CSMD3: variants seen among roughly 807,000 people sequenced by gnomAD.
CSMD3 encodes the protein CUB and sushi domain-containing protein 3.
Under a neutral mutation model 435.2 loss-of-function variants are expected in CSMD3, and 177 were observed. The observed-to-expected ratio is 0.41, with a 90% CI of 0.36 to 0.46. The LOEUF (loss-of-function observed/expected upper bound fraction) is 0.46, where lower values mean the gene tolerates loss of function less well. Among genes scored for constraint, CSMD3 ranks in the 20% least tolerant of loss-of-function variants. CSMD3 has a pLI of 0.34. For missense variants in CSMD3, 4,265 were observed against 4,504.6 expected (o/e 0.95, Z 1.52); for synonymous variants, 1,656 against 1,520.5 (o/e 1.09, Z -2.07).
At chr8:113,112,437 ATATATATAT>A in intron 4 of CSMD3, among the ~76,000 whole-genome samples, 1 of 41,438 alleles carries the variant, frequency 2.4e-5, no homozygotes, top group African/African-American at 1.4e-4. Flanking sequence ...ATATATATAT[ATATATATAT>A]ATGTATATAC....
chr8:112,921,732 A>G lies in CSMD3; in HGVS notation c.1528T>C (p.Phe510Leu). 2 of 1,609,794 alleles carry G rather than the reference A, an allele frequency of 1.2e-6. No individual in the cohort carries two copies. The highest frequency in any genetic ancestry group is 1.7e-6 in the Non-Finnish European group (2 of 1,176,316). Residue 510 changes from phenylalanine to leucine, a missense_variant, in exon 10 of 71, where the codon TTC (phenylalanine) becomes CTC (leucine). Around this residue, in one of 3 missense-constraint regions of CSMD3, gnomAD observed 731 missense variants for 755.4 expected, o/e 0.97. Coordinates refer to ENST00000297405, the MANE Select transcript of CSMD3 (RefSeq NM_198123.2). ...SDFSLGSTVQ[F>L]SCDEDYVLQG... ...AGGACATAATCTTCATCACAAGAGA[A>G]CTGCACAGTTGATCCAAGGCTAAAG...
At chr8:112,714,349 AG>A (rs1554660734) in intron 13 of CSMD3, among the ~76,000 whole-genome samples, 2 of 152,222 alleles carry the variant, frequency 1.3e-5, no homozygotes, top group Non-Finnish European at 2.9e-5. Context: ...ATAATGGTAA[AG>A]GGATCAATTC....
intron 5 of CSMD3, among the ~76,000 whole-genome samples, chr8:113,033,107 A>C (rs1427107840): frequency 6.6e-6 from 1 of 151,534 alleles, no homozygotes; most frequent in Non-Finnish European, 1.5e-5. Context: ...AAGAGCTCTC[A>C]TGAAGAACCT....
chr8:113,231,030 C>G (rs2093080393), intron 3 of CSMD3, among the ~76,000 whole-genome samples: 1 of 150,974 alleles, frequency 6.6e-6, no homozygotes, highest in Admixed American at 6.6e-5. Flanking sequence ...CTTTTGAATA[C>G]CCACATATAC....
intron 1 of CSMD3, among the ~76,000 whole-genome samples, chr8:113,384,334 A>G (rs1392383244): frequency 6.6e-6 from 1 of 152,340 alleles, no homozygotes; most frequent in Non-Finnish European, 1.5e-5. Context: ...TCTAAGAGAA[A>G]GCACTATTCA....
intron 38 of CSMD3, among the ~76,000 whole-genome samples, chr8:112,371,187 G>A (rs73700677): frequency 0.033 from 4,961 of 152,138 alleles, 271 homozygotes; most frequent in African/African-American, 0.11. Context: ...CACGCTGCTG[G>A]GCAGAGAAAT....
chr8:112,386,541 A>AGGCC (rs1829968793), intron 36 of CSMD3, among the ~76,000 whole-genome samples: 1 of 152,026 alleles, frequency 6.6e-6, no homozygotes, highest in Non-Finnish European at 1.5e-5. Context: ...TCTGTCGCCC[A>AGGCC]GGATGGAGTG....
intron 10 of CSMD3, among the ~76,000 whole-genome samples, chr8:112,904,926 C>A (rs2082215227): frequency 6.6e-6 from 1 of 151,404 alleles, no homozygotes; most frequent in Admixed American, 6.6e-5. Context: ...CAAGTTGAGT[C>A]TGGATGCCTG....
intron 22 of CSMD3, among the ~76,000 whole-genome samples, chr8:112,611,137 C>G (rs553306849): frequency 6.6e-6 from 1 of 152,216 alleles, no homozygotes; most frequent in South Asian, 2.1e-4. Flanking sequence ...CAAATTTTAG[C>G]TCAAGTGTTT....
rs774142253 is a variant in CSMD3, at chr8:112,289,495, C to G, written c.9018G>C (p.Leu3006=). ...ACCCAAAAGTATACTTCTCGCCAGA[C>G]AGGACTGCATTAGGAGGAACGCCAG... is the stretch of plus-strand genomic sequence containing the variant. The part of the protein sequence containing the change: ...GHPGVPPNAV[L]SGEKYTFGST... Residue 3006 remains leucine, a synonymous_variant, in exon 57 of 71, where the codon CTG becomes CTC. Coordinates refer to ENST00000297405, the MANE Select transcript of CSMD3 (RefSeq NM_198123.2). 1 of 1,612,996 alleles carries G rather than the reference C, an allele frequency of 6.2e-7. No individual in the cohort carries two copies. Among genetic ancestry groups the G allele is most frequent in the Non-Finnish European group, 8.5e-7 (1 of 1,179,342 alleles).
chr8:113,364,211 A>C (rs2094296434), intron 1 of CSMD3, among the ~76,000 whole-genome samples: 1 of 151,972 alleles, frequency 6.6e-6, no homozygotes, highest in African/African-American at 2.4e-5. Flanking sequence ...TTAGAGTGTG[A>C]TGTAGGGCAA....
At chr8:112,304,141 T>C (rs1014160730) in intron 52 of CSMD3, among the ~76,000 whole-genome samples, 1 of 152,170 alleles carries the variant, frequency 6.6e-6, no homozygotes, top group Admixed American at 6.6e-5. Flanking sequence ...GATGTGGTTA[T>C]AGCTGGTATT....
At chr8:113,400,867 A>G (rs1221062639) in intron 1 of CSMD3, among the ~76,000 whole-genome samples, 1 of 151,784 alleles carries the variant, frequency 6.6e-6, no homozygotes. Context: ...ATCATCTTTT[A>G]TTTATTGGTT....
chr8:113,418,584 A>G (rs1440617379), intron 1 of CSMD3, among the ~76,000 whole-genome samples: 2 of 152,212 alleles, frequency 1.3e-5, no homozygotes, highest in Non-Finnish European at 2.9e-5. Context: ...CATACATGCA[A>G]TAACAATGAT....
chr8:113,354,296 T>A (rs899150575), intron 1 of CSMD3, among the ~76,000 whole-genome samples: 1 of 152,158 alleles, frequency 6.6e-6, no homozygotes, highest in Non-Finnish European at 1.5e-5. Flanking sequence ...AATACCTGAA[T>A]AAATAACTCT....
intron 3 of CSMD3, among the ~76,000 whole-genome samples, chr8:113,194,832 A>G (rs2131999288): frequency 6.6e-6 from 1 of 151,432 alleles, no homozygotes; most frequent in Non-Finnish European, 1.5e-5. Flanking sequence ...AGTGGCCTAT[A>G]CCTAGCTTAC....
intron 7 of CSMD3, among the ~76,000 whole-genome samples, chr8:112,972,291 C>A (rs1431192216): frequency 6.6e-6 from 1 of 151,814 alleles, no homozygotes; most frequent in Non-Finnish European, 1.5e-5. Context: ...ATAGCATGAA[C>A]TTGCAGACAT....
chr8:112,651,488 T>A (rs2131638004), intron 18 of CSMD3, among the ~76,000 whole-genome samples: 1 of 152,184 alleles, frequency 6.6e-6, no homozygotes, highest in South Asian at 2.1e-4. Context: ...TCTACTTTTA[T>A]CTGCTAAGTT....
At chr8:112,944,491 C>T (rs2083544680) in intron 9 of CSMD3, among the ~76,000 whole-genome samples, 1 of 151,678 alleles carries the variant, frequency 6.6e-6, no homozygotes. Flanking sequence ...TAAAAAGAAA[C>T]TCTCTCTTGA....
Sources: allele counts gnomAD v4.1 joint callset (sites outside exome capture counted in the v4.1 genomes callset), GRCh38; gene constraint gnomAD v4.1.1; regional missense constraint gnomAD v4.1.1; transcripts MANE v1.5; gene names NCBI Gene and HGNC (gene_info 2026-07-23, HGNC 2026-07-21).